Variants in TULP4 observed in about 807,000 individuals in gnomAD.
TULP4 encodes TUB like protein 4.
Under a neutral mutation model 129.0 loss-of-function variants are expected in TULP4, and 16 were observed. That is an observed-to-expected ratio of 0.12 (90% CI 0.08 to 0.19). TULP4 has a LOEUF of 0.19. Ranked by LOEUF, TULP4 falls within the 10% of genes least tolerant of loss-of-function variation. The probability of loss-of-function intolerance (pLI) is 1.00; values close to 1 mark genes in which losing one functional copy is unlikely to be tolerated. For synonymous variants in TULP4, 998 were observed against 854.0 expected (o/e 1.17, Z -2.94); for missense variants, 1,842 against 2,059.1 (o/e 0.89, Z 2.04).
chr6:158,424,114 G>GC (rs1778419672), intron 2 of TULP4, among the ~76,000 whole-genome samples: 1 of 152,086 alleles, frequency 6.6e-6, no homozygotes, highest in African/African-American at 2.4e-5. Flanking sequence ...AAATATATTT[G>GC]CCCGTGTTCA....
At chr6:158,393,851 G>A (rs946480051) in intron 1 of TULP4, among the ~76,000 whole-genome samples, 1 of 152,190 alleles carries the variant, frequency 6.6e-6, no homozygotes, top group African/African-American at 2.4e-5. Context: ...CATCGTCTTG[G>A]CGATTAACAT....
rs908165665 is a variant in TULP4, at chr6:158,502,774, C to T, written c.3111C>T (p.Cys1037=). 7 of 1,606,554 alleles carry T rather than the reference C, an allele frequency of 4.4e-6. No homozygotes were observed. In the Middle Eastern group the frequency reaches 6.6e-4, roughly 151 times the overall value. Residue 1037 remains cysteine (C), a synonymous_variant, in exon 13 of 14, where the codon TGC becomes TGT. Coordinates refer to ENST00000367097, the MANE Select transcript of TULP4 (RefSeq NM_020245.5). ...PARPPPALYT[C]SQCSGTGPSS... Reference sequence around the variant, plus strand: ...GGCCCCCACCTGCCCTGTACACCTGCAGTCAGTGCAGTGGCACAGGGCCCA... The same window carrying T: ...GGCCCCCACCTGCCCTGTACACCTGTAGTCAGTGCAGTGGCACAGGGCCCA...
chr6:158,341,959 C>A (rs913003673), intron 1 of TULP4, among the ~76,000 whole-genome samples: 1 of 152,262 alleles, frequency 6.6e-6, no homozygotes, highest in Middle Eastern at 3.4e-3. Flanking sequence ...TGCTCTGTCG[C>A]CCAGGCTGGA....
At chr6:158,393,427 AC>A (rs1178022433) in intron 1 of TULP4, among the ~76,000 whole-genome samples, 14 of 152,068 alleles carry the variant, frequency 9.2e-5, no homozygotes, top group Admixed American at 9.2e-4. Context: ...GTGGGCTCCA[AC>A]CCCACATTTC....
At chr6:158,405,381 C>T (rs956281520) in intron 1 of TULP4, among the ~76,000 whole-genome samples, 21 of 152,058 alleles carry the variant, frequency 1.4e-4, no homozygotes, top group Non-Finnish European at 2.9e-4. Flanking sequence ...GTCCAGGGGG[C>T]CATCGCTAGT....
At chr6:158,374,119 G>T (rs1332134321) in intron 1 of TULP4, among the ~76,000 whole-genome samples, 1 of 152,132 alleles carries the variant, frequency 6.6e-6, no homozygotes, top group Non-Finnish European at 1.5e-5. Context: ...CTCAGATGCA[G>T]ATATTCATCA....
intron 1 of TULP4, among the ~76,000 whole-genome samples, chr6:158,408,041 CTTGAG>C (rs1049427249): frequency 7.9e-5 from 12 of 152,148 alleles, no homozygotes; most frequent in African/African-American, 2.7e-4. Flanking sequence ...ACATCTTACT[CTTGAG>C]AGAGAGAGAG....
intron 5 of TULP4, 45 bp downstream of exon 5, chr6:158,452,313 G>C: frequency 6.2e-7 from 1 of 1,605,368 alleles, no homozygotes; most frequent in Non-Finnish European, 8.5e-7. Flanking sequence ...CCGGGCCTGT[G>C]TGTGCTTGCC....
chr6:158,495,715 C>G (rs1435464505), intron 11 of TULP4, among the ~76,000 whole-genome samples: 3 of 152,094 alleles, frequency 2.0e-5, no homozygotes, highest in Non-Finnish European at 2.9e-5. Flanking sequence ...TGGTGCCTGC[C>G]TGTAATCCTA....
chr6:158,505,838 G>A (rs900430967), intron 13 of TULP4, among the ~76,000 whole-genome samples: 5 of 151,890 alleles, frequency 3.3e-5, no homozygotes, highest in African/African-American at 1.2e-4. Context: ...CACTTCATTT[G>A]GCCTGTAGCA....
intron 2 of TULP4, among the ~76,000 whole-genome samples, chr6:158,423,620 T>G (rs1400391546): frequency 1.8e-5 from 2 of 114,142 alleles, no homozygotes; most frequent in East Asian, 2.2e-4. Context: ...TTTGTTGTTA[T>G]TTGTTTTTGT....
intron 3 of TULP4, among the ~76,000 whole-genome samples, chr6:158,437,154 C>A (rs560251496): frequency 6.6e-6 from 1 of 152,278 alleles, no homozygotes; most frequent in South Asian, 2.1e-4. Flanking sequence ...GAAATATGAC[C>A]TTTATTTGCT....
In TULP4 at chr6:158,452,331, C is replaced by T. The variant is rs150969362; in HGVS notation, c.859+63C>T. The T allele has an allele frequency of 1.7e-4, 263 of 1,586,434 alleles. 1 individual carries two copies. In the East Asian group the frequency reaches 5.0e-3, roughly 30 times the overall value. The stretch of plus-strand genomic sequence containing the variant: ...GGCCTGTGTGTGCTTGCCTCAAGGC[C>T]GGTCTTGTACACTCTGTGCTTACTG... On this transcript the variant is annotated intron_variant, in intron 5 of 13. Coordinates refer to ENST00000367097, the MANE Select transcript of TULP4 (RefSeq NM_020245.5).
Position 158,481,103 on chromosome 6 carries a change from T to C in TULP4, c.1300T>C (p.Ser434Pro). 6.3e-7 allele frequency: 1 copy of C among 1,599,386 alleles called. No individual in the cohort carries two copies. The highest frequency in any genetic ancestry group is 8.6e-7 in the Non-Finnish European group (1 of 1,168,778). ...NNMRDFVSYP[S>P]AGNERLHCTM... ...CATGAGAGACTTTGTCAGCTACCCA[T>C]CAGCCGGCAACGAGCGGCTGCACTG... The change falls in exon 8 of 14, where the codon TCA becomes CCA. Residue 434 changes from serine to proline, a missense_variant. Ser to Pro is a moderately conservative substitution (Grantham distance 74). This residue lies in a region of TULP4 where 456 missense variants were observed against 534.3 expected (regional missense o/e 0.85). Transcript: ENST00000367097.
At chr6:158,263,624 G>A (rs56177986) in intron 1 of TULP4, among the ~76,000 whole-genome samples, 6 of 152,166 alleles carry the variant, frequency 3.9e-5, no homozygotes, top group East Asian at 1.9e-4. Flanking sequence ...GGCGTGATGG[G>A]ATGTGCCTGT....
At chr6:158,303,627 T>A (rs543743544) in intron 1 of TULP4, among the ~76,000 whole-genome samples, 22 of 152,266 alleles carry the variant, frequency 1.4e-4, no homozygotes, top group African/African-American at 5.3e-4. Context: ...TTGTTTTCAG[T>A]TTGGAGCTGA....
chr6:158,443,513 A>G (rs544423252), intron 3 of TULP4, among the ~76,000 whole-genome samples: 1 of 152,328 alleles, frequency 6.6e-6, no homozygotes, highest in East Asian at 1.9e-4. Context: ...AAACTTAAAA[A>G]TGGAGCCTGA....
intron 1 of TULP4, among the ~76,000 whole-genome samples, chr6:158,263,766 A>G (rs1778393865): frequency 6.6e-6 from 1 of 151,950 alleles, no homozygotes; most frequent in Admixed American, 6.6e-5. Context: ...AACAACAACA[A>G]CAACAGCAAC....
intron 1 of TULP4, among the ~76,000 whole-genome samples, chr6:158,240,986 C>CA: frequency 7.1e-6 from 1 of 140,084 alleles, no homozygotes; most frequent in Middle Eastern, 4.0e-3. Flanking sequence ...CCTCACTTCT[C>CA]AGACGGGGTG....
Sources: gnomAD v4.1 joint callset for allele counts (sites outside exome capture counted in the v4.1 genomes callset) on GRCh38, gnomAD v4.1.1 for gene constraint, gnomAD v4.1.1 regional missense constraint, MANE v1.5 for transcripts, NCBI Gene and HGNC (gene_info 2026-07-23, HGNC 2026-07-21) for gene names.